Variants in TCF7L2 observed in about 807,000 individuals in gnomAD.
TCF7L2 encodes the protein transcription factor 7 like 2.
A neutral mutation model predicts 77.9 loss-of-function variants in TCF7L2; 23 were observed. That is an observed-to-expected ratio of 0.30 (90% CI 0.21 to 0.42). TCF7L2 has a LOEUF of 0.42. TCF7L2 is among the 10% of genes least tolerant of loss of function. The pLI is 1.00. For missense variants in TCF7L2, 654 were observed against 793.1 expected (o/e 0.82, Z 2.11); for synonymous variants, 413 against 340.2 (o/e 1.21, Z -2.36).
At chr10:113,002,676 T>A (rs2044710205) in intron 4 of TCF7L2, among the ~76,000 whole-genome samples, 1 of 152,160 alleles carries the variant, frequency 6.6e-6, no homozygotes. Flanking sequence ...TCAGGCAAGA[T>A]GGAAAATAGC....
chr10:113,026,053 A>C (rs1466764556), intron 4 of TCF7L2, among the ~76,000 whole-genome samples: 1 of 139,442 alleles, frequency 7.2e-6, no homozygotes, highest in African/African-American at 2.7e-5. Context: ...TAATTTTTGT[A>C]TTTTTATTAG....
intron 4 of TCF7L2, among the ~76,000 whole-genome samples, chr10:112,985,230 T>C (rs1322695235): frequency 6.6e-6 from 1 of 152,210 alleles, no homozygotes; most frequent in Non-Finnish European, 1.5e-5. Flanking sequence ...GGCTACTTTG[T>C]GGTTGGTTTT....
At chr10:113,025,988 C>T (rs1003635723) in intron 4 of TCF7L2, among the ~76,000 whole-genome samples, 8 of 151,838 alleles carry the variant, frequency 5.3e-5, no homozygotes, top group Non-Finnish European at 1.0e-4. Context: ...AAGTGATTCT[C>T]CTGCCTCAGC....
chr10:113,158,739 A>G lies in TCF7L2; in HGVS notation c.1318+670A>G, dbSNP rs112081372. On this transcript the variant is annotated intron_variant, in intron 12 of 13. Coordinates refer to ENST00000627217, the MANE Select transcript of TCF7L2 (RefSeq NM_001146274.2). Reference sequence around the variant, plus strand: ...ACAGGTGCTAATGTCATTTTGAGTCATTAAAATAGTTGATAAACTGTTTTT... The same window carrying G: ...ACAGGTGCTAATGTCATTTTGAGTCGTTAAAATAGTTGATAAACTGTTTTT... 1.6e-5 allele frequency: 26 copies of G among 1,607,828 alleles called. No individual in the cohort carries two copies. The African/African-American group carries it at 1.9e-4, about 12-fold the overall frequency.
intron 5 of TCF7L2, among the ~76,000 whole-genome samples, chr10:113,075,513 A>G (rs568326107): frequency 4.6e-5 from 7 of 152,178 alleles, no homozygotes; most frequent in South Asian, 2.1e-4. Context: ...TGGCAACCCA[A>G]TTTGCAAATG....
intron 4 of TCF7L2, among the ~76,000 whole-genome samples, chr10:113,038,044 G>A (rs752783411): frequency 6.6e-6 from 1 of 152,140 alleles, no homozygotes; most frequent in Non-Finnish European, 1.5e-5. Context: ...GATGGAGACT[G>A]GAAATATTTA....
intron 5 of TCF7L2, among the ~76,000 whole-genome samples, chr10:113,083,459 T>A (rs890296740): frequency 5.9e-5 from 9 of 152,296 alleles, no homozygotes; most frequent in Admixed American, 2.6e-4. Flanking sequence ...ACGATAAAAA[T>A]GGTAGCTTAT....
At chr10:112,962,296 T>A (rs1166549996) in intron 3 of TCF7L2, among the ~76,000 whole-genome samples, 3 of 152,078 alleles carry the variant, frequency 2.0e-5, no homozygotes, top group Non-Finnish European at 4.4e-5. Context: ...TCCATTAAGA[T>A]CTGAATCAGG....
At position 113,042,249 on chromosome 10, in the gene TCF7L2, C is replaced by A. The variant is rs150630906; in HGVS notation, c.552+2123C>A. 3.4e-3 allele frequency among the ~76,000 whole-genome samples: 517 copies of A among 152,322 alleles called. 8 individuals are homozygous for A. Among genetic ancestry groups the A allele is most frequent in the South Asian group, 0.02 (97 of 4,826 alleles). ...AGCAAGGGGGCTTAGGCACCTTTTT[C>A]CTCTGCTGTGTCTTAGCAGGCGTGT... is the stretch of plus-strand genomic sequence containing the variant. On this transcript the variant is annotated intron_variant, in intron 5 of 13. Coordinates refer to ENST00000627217, the MANE Select transcript of TCF7L2 (RefSeq NM_001146274.2).
At position 113,161,014 on chromosome 10, in the gene TCF7L2, T is replaced by C. The variant is rs370565637; in HGVS notation, c.1391+323T>C. Among the ~76,000 whole-genome samples the C allele has an allele frequency of 3.5e-4, 54 of 152,322 alleles. No homozygotes were observed. The East Asian group carries it at 5.4e-3, about 15-fold the overall frequency. ...AGCTGGTCCGGCCCTATGAATGCCT[T>C]GGTGGCCCGGGTACTGAGCACAGAG... On this transcript the variant is annotated intron_variant, in intron 13 of 13. Coordinates refer to ENST00000627217, the MANE Select transcript of TCF7L2 (RefSeq NM_001146274.2).
Position 113,143,991 on chromosome 10 carries a change from C to G in TCF7L2, c.754C>G (p.Gln252Glu). The stretch of plus-strand genomic sequence containing the variant: ...CCCACTATCGCCTGGCACCGTAGGA[C>G]AAATCCCCCATCCGCTAGGATGGTT... The change falls in exon 7 of 14, where the codon CAA (glutamine) becomes GAA (glutamate). Residue 252 changes from glutamine (Q) to glutamate (E), a missense_variant. Transcript: ENST00000627217. The G allele has an allele frequency of 6.2e-7, 1 of 1,614,128 alleles. No homozygotes were observed. Among genetic ancestry groups the G allele is most frequent in the Non-Finnish European group, 8.5e-7 (1 of 1,180,016 alleles).
intron 5 of TCF7L2, among the ~76,000 whole-genome samples, chr10:113,109,358 G>A (rs1564906546): frequency 6.6e-6 from 1 of 152,130 alleles, no homozygotes; most frequent in African/African-American, 2.4e-5. Context: ...GTCCCAGTAA[G>A]GGTGTGGGAT....
At chr10:112,987,201 G>A (rs567591244) in intron 4 of TCF7L2, among the ~76,000 whole-genome samples, 2 of 152,284 alleles carry the variant, frequency 1.3e-5, no homozygotes, top group East Asian at 1.9e-4. Context: ...GTAGTTAAGA[G>A]CTTGACTGTA....
chr10:112,964,517 G>T, intron 3 of TCF7L2, 39 bp from the exon 4 acceptor site: 2 of 1,591,886 alleles, frequency 1.3e-6, no homozygotes, highest in South Asian at 2.2e-5. Flanking sequence ...TGTAGTTTGT[G>T]ACATAAGCAG....
At chr10:113,023,000 T>C (rs2048494120) in intron 4 of TCF7L2, among the ~76,000 whole-genome samples, 1 of 152,098 alleles carries the variant, frequency 6.6e-6, no homozygotes, top group African/African-American at 2.4e-5. Context: ...TGGCTTTGAG[T>C]CTTCAGAATA....
At chr10:113,137,803 C>T (rs769401858) in intron 5 of TCF7L2, among the ~76,000 whole-genome samples, 32 of 152,212 alleles carry the variant, frequency 2.1e-4, no homozygotes, top group Non-Finnish European at 3.1e-4. Context: ...CTCTCCATTC[C>T]GCAGACTGGG....
intron 4 of TCF7L2, among the ~76,000 whole-genome samples, chr10:113,025,546 A>AT (rs1170139126): frequency 6.6e-6 from 1 of 151,718 alleles, no homozygotes; most frequent in Non-Finnish European, 1.5e-5. Flanking sequence ...GCCTTGGCTA[A>AT]TTTTTTATAT....
intron 5 of TCF7L2, among the ~76,000 whole-genome samples, chr10:113,110,270 T>C (rs1367845829): frequency 6.6e-6 from 1 of 151,932 alleles, no homozygotes; most frequent in African/African-American, 2.4e-5. Context: ...CATCAGGCCA[T>C]CACAGTCTGA....
intron 5 of TCF7L2, among the ~76,000 whole-genome samples, chr10:113,128,357 G>A (rs1255106319): frequency 6.6e-6 from 1 of 152,124 alleles, no homozygotes. Context: ...TGTTTTTGTT[G>A]ATTTTTTTGG....
Sources: gnomAD v4.1 joint callset for allele counts (sites outside exome capture counted in the v4.1 genomes callset) on GRCh38, gnomAD v4.1.1 for gene constraint, MANE v1.5 for transcripts, NCBI Gene and HGNC (gene_info 2026-07-23, HGNC 2026-07-21) for gene names.